The following DCAF8L2 variants were observed in gnomAD, a reference collection of about 807,000 sequenced individuals.
The protein encoded by DCAF8L2 is DDB1- and CUL4-associated factor 8-like protein 2.
For synonymous variants in DCAF8L2, 200 were observed against 190.9 expected, an observed-to-expected ratio of 1.05 and a Z score of -0.39; for missense variants, 430 against 490.7, an observed-to-expected ratio of 0.88 and a Z score of 1.17.
At chrX:27,687,895 T>C (rs1930569449) in intron 3 of DCAF8L2, among the ~76,000 whole-genome samples, 1 of 111,563 alleles carries the variant, frequency 9.0e-6, no homozygotes, top group Non-Finnish European at 1.9e-5. Context: ...GAAACTGTTA[T>C]TAGAGTTTTA....
At chrX:27,686,399 C>T (rs1930508685) in intron 3 of DCAF8L2, among the ~76,000 whole-genome samples, 3 of 110,478 alleles carry the variant, frequency 2.7e-5, no homozygotes, top group Admixed American at 9.7e-5. Context: ...TCCTATTTGA[C>T]TATAAAAAAA....
chrX:27,580,516 GACAA>G, the DCAF8L2 span, among the ~76,000 whole-genome samples: 18 of 111,129 alleles, frequency 1.6e-4, no homozygotes, highest in African/African-American at 5.2e-4. Flanking sequence ...CACTGAAAAA[GACAA>G]ACAAAAAAAG....
At chrX:27,496,292 T>C in the DCAF8L2 span, among the ~76,000 whole-genome samples, 28 of 112,149 alleles carry the variant, frequency 2.5e-4, no homozygotes, top group African/African-American at 8.4e-4. Flanking sequence ...GTTGAATGTA[T>C]AATTTCATGA....
chrX:27,650,597 G>A (rs1929111810), intron 2 of DCAF8L2, among the ~76,000 whole-genome samples: 1 of 111,990 alleles, frequency 8.9e-6, no homozygotes, highest in African/African-American at 3.2e-5. Context: ...TTAGCTTTCA[G>A]CTTGAATGTT....
chrX:27,489,671 T>G, the DCAF8L2 span, among the ~76,000 whole-genome samples: 1 of 112,291 alleles, frequency 8.9e-6, no homozygotes, highest in East Asian at 2.8e-4. Flanking sequence ...TGTAGTTTAC[T>G]AATCCTGCTT....
At position 27,747,352 on chromosome X, in the gene DCAF8L2, C is replaced by G; in HGVS notation, c.457C>G (p.Pro153Ala). 8.6e-7 allele frequency: 1 copy of G among 1,162,552 alleles called. No individual in the cohort carries two copies. The highest frequency in any genetic ancestry group is 1.8e-5 in the African/African-American group (1 of 54,483). Reference protein sequence around the residue: ...EEEEEQPRAGPQGSGGNHEQY... With the variant: ...EEEEEQPRAGAQGSGGNHEQY... ...GGAAGAAGAACAGCCTCGGGCGGGT[C>G]CACAAGGCAGTGGCGGCAACCATGA... Residue 153 changes from proline to alanine, a missense_variant, in exon 5 of 5, where the codon CCA becomes GCA. Coordinates refer to ENST00000451261, the MANE Select transcript of DCAF8L2 (RefSeq NM_001353450.2).
the DCAF8L2 span, among the ~76,000 whole-genome samples, chrX:27,513,632 G>T: frequency 8.4e-5 from 9 of 107,420 alleles, no homozygotes; most frequent in African/African-American, 3.1e-4. Flanking sequence ...TTGAACCTGG[G>T]ACATGGAGGT....
chrX:27,580,255 G>A, the DCAF8L2 span, among the ~76,000 whole-genome samples: 1 of 111,176 alleles, frequency 9.0e-6, no homozygotes, highest in East Asian at 2.8e-4. Flanking sequence ...AGTGAAAGGA[G>A]CAAGAGAGGG....
intron 4 of DCAF8L2, among the ~76,000 whole-genome samples, chrX:27,734,370 A>T (rs1193608033): frequency 9.0e-6 from 1 of 110,774 alleles, no homozygotes; most frequent in East Asian, 2.8e-4. Flanking sequence ...GTTAACAAAA[A>T]ACCCAAGAGT....
chrX:27,736,400 C>A (rs924248381), intron 4 of DCAF8L2, among the ~76,000 whole-genome samples: 1 of 111,823 alleles, frequency 8.9e-6, no homozygotes, highest in Non-Finnish European at 1.9e-5. Flanking sequence ...CAAATCTTTA[C>A]TTGGTGCCTA....
chrX:27,595,662 T>G (rs1210873486), intron 1 of DCAF8L2, among the ~76,000 whole-genome samples: 1 of 112,196 alleles, frequency 8.9e-6, no homozygotes, highest in East Asian at 2.8e-4. Context: ...AAACAGGAGC[T>G]TTGTCTTTTT....
At chrX:27,497,671 C>T in the DCAF8L2 span, among the ~76,000 whole-genome samples, 8 of 110,221 alleles carry the variant, frequency 7.3e-5, no homozygotes, top group East Asian at 2.0e-3. Flanking sequence ...TGGGTTCAAG[C>T]GATTCTTCTG....
chrX:27,591,358 A>T (rs1926084207), intron 1 of DCAF8L2, among the ~76,000 whole-genome samples: 2 of 110,814 alleles, frequency 1.8e-5, no homozygotes, highest in South Asian at 7.7e-4. Context: ...AAAACCTCCC[A>T]CATTTTCAAT....
intron 1 of DCAF8L2, among the ~76,000 whole-genome samples, chrX:27,625,216 A>T (rs1927954598): frequency 8.9e-6 from 1 of 112,266 alleles, no homozygotes; most frequent in Admixed American, 9.4e-5. Flanking sequence ...AAAAGAAGGC[A>T]TTCAGGTGGC....
At chrX:27,614,095 G>A (rs1219841683) in intron 1 of DCAF8L2, among the ~76,000 whole-genome samples, 6 of 111,028 alleles carry the variant, frequency 5.4e-5, no homozygotes, top group Non-Finnish European at 1.1e-4. Context: ...ACTTTTTTTG[G>A]TTGGTAGATT....
At chrX:27,674,077 A>C (rs934226362) in intron 2 of DCAF8L2, among the ~76,000 whole-genome samples, 1 of 111,936 alleles carries the variant, frequency 8.9e-6, no homozygotes, top group Non-Finnish European at 1.9e-5. Context: ...TTATTGGCTT[A>C]GTGAATTAGA....
intron 4 of DCAF8L2, among the ~76,000 whole-genome samples, chrX:27,742,613 G>A (rs1444977580): frequency 9.2e-6 from 1 of 108,264 alleles, no homozygotes; most frequent in East Asian, 3.0e-4. Context: ...AAAAAACCAA[G>A]AGAAAGAAAA....
intron 2 of DCAF8L2, chrX:27,676,818 A>G (rs1372631700): frequency 8.9e-6 from 1 of 111,806 alleles, no homozygotes; most frequent in Non-Finnish European, 1.9e-5. Context: ...AAATTGAGAC[A>G]ACTAGAAGTA....
the DCAF8L2 span, among the ~76,000 whole-genome samples, chrX:27,479,383 C>A: frequency 9.0e-6 from 1 of 111,044 alleles, no homozygotes; most frequent in African/African-American, 3.3e-5. Flanking sequence ...ATAAGCTGCA[C>A]CCGGATTCCT....
Sources: gnomAD v4.1 joint callset for allele counts (sites outside exome capture counted in the v4.1 genomes callset) on GRCh38, gnomAD v4.1.1 for gene constraint, MANE v1.5 for transcripts, NCBI Gene and HGNC (gene_info 2026-07-23, HGNC 2026-07-21) for gene names.